GRK5: variants seen among roughly 807,000 people sequenced by gnomAD.
GRK5 encodes the protein G protein-coupled receptor kinase 5.
A neutral mutation model predicts 78.4 loss-of-function variants in GRK5; 40 were observed. The observed-to-expected ratio is 0.51, with a 90% CI of 0.40 to 0.66. The LOEUF is 0.66. Ranked by LOEUF, GRK5 falls within the 30% of genes least tolerant of loss-of-function variation. The probability of loss-of-function intolerance (pLI) is 0.00; values close to 1 mark genes in which losing one functional copy is unlikely to be tolerated. For synonymous variants in GRK5, 289 were observed against 296.8 expected (o/e 0.97, Z 0.27); for missense variants, 598 against 759.9 (o/e 0.79, Z 2.50).
chr10:119,346,579 G>C (rs1025826071), intron 2 of GRK5, among the ~76,000 whole-genome samples: 1 of 152,214 alleles, frequency 6.6e-6, no homozygotes, highest in Non-Finnish European at 1.5e-5. Context: ...CGGCTGCTCT[G>C]GGAGTGGCCT....
intron 1 of GRK5, among the ~76,000 whole-genome samples, chr10:119,278,859 G>T (rs76247793): frequency 6.6e-6 from 1 of 152,026 alleles, no homozygotes; most frequent in Admixed American, 6.6e-5. Context: ...CCTGCACCCC[G>T]GTGTCTTTCT....
At chr10:119,422,289 T>G (rs939943503) in intron 4 of GRK5, among the ~76,000 whole-genome samples, 7 of 152,148 alleles carry the variant, frequency 4.6e-5, no homozygotes, top group African/African-American at 1.4e-4. Context: ...CTCTGAAATG[T>G]CCTTTCAAAT....
chr10:119,344,066 CT>C (rs951734235), intron 2 of GRK5, among the ~76,000 whole-genome samples: 1 of 151,362 alleles, frequency 6.6e-6, no homozygotes, highest in African/African-American at 2.4e-5. Context: ...GCAGGTTTTT[CT>C]TTTTTCTTTT....
At chr10:119,316,504 C>T (rs1850489173) in intron 1 of GRK5, among the ~76,000 whole-genome samples, 1 of 152,204 alleles carries the variant, frequency 6.6e-6, no homozygotes, top group Non-Finnish European at 1.5e-5. Flanking sequence ...GGGTGGGGGT[C>T]CCCAGGCCAC....
chr10:119,313,783 G>T (rs1292440363), intron 1 of GRK5, among the ~76,000 whole-genome samples: 1 of 152,118 alleles, frequency 6.6e-6, no homozygotes, highest in Non-Finnish European at 1.5e-5. Flanking sequence ...GCTGGGAGGG[G>T]CCCTGTCCCC....
intron 2 of GRK5, among the ~76,000 whole-genome samples, chr10:119,348,137 G>A (rs915534479): frequency 1.3e-5 from 2 of 152,226 alleles, no homozygotes; most frequent in Non-Finnish European, 2.9e-5. Context: ...GGCTTAATGA[G>A]GAGTCCAGGG....
chr10:119,425,223 T>C, intron 6 of GRK5, 138 bp downstream of exon 6: 2 of 639,190 alleles, frequency 3.1e-6, no homozygotes, highest in Non-Finnish European at 5.7e-6. Flanking sequence ...GTTAATTAAG[T>C]TGTGTATTCT....
Position 119,379,766 on chromosome 10 carries a change from G to A in GRK5, c.149-1049G>A, listed in dbSNP as rs1230895978. ...GAGAGAACTTCTTGGAGAGGCTTTA[G>A]CATCACTGCAGGAAGAACCAAAAGG... On this transcript the variant is annotated intron_variant, in intron 2 of 15. Transcript: ENST00000392870. This position sits in a 1 kb window ranked among gnomAD's most constrained non-coding sequence, Gnocchi z 4.1. Among the ~76,000 whole-genome samples the A allele has an allele frequency of 6.6e-6, 1 of 152,158 alleles. No individual in the cohort carries two copies. Among genetic ancestry groups the A allele is most frequent in the Non-Finnish European group, 1.5e-5 (1 of 68,032 alleles).
intron 2 of GRK5, among the ~76,000 whole-genome samples, chr10:119,340,835 C>CA (rs1272156079): frequency 2.0e-5 from 3 of 152,202 alleles, no homozygotes. Flanking sequence ...GTGTTTCTGG[C>CA]AGAGAGTGCT....
intron 1 of GRK5, among the ~76,000 whole-genome samples, chr10:119,294,749 G>A (rs1850048575): frequency 6.6e-6 from 1 of 152,188 alleles, no homozygotes; most frequent in Non-Finnish European, 1.5e-5. Flanking sequence ...TACAAATAAA[G>A]TTCTTTAGTT....
intron 2 of GRK5, among the ~76,000 whole-genome samples, chr10:119,361,588 G>A (rs1397153786): frequency 3.3e-5 from 5 of 152,174 alleles, no homozygotes; most frequent in South Asian, 2.1e-4. Context: ...TGTGCTGCAC[G>A]CCACTGAGGA....
intron 1 of GRK5, among the ~76,000 whole-genome samples, chr10:119,280,307 C>T (rs546923833): frequency 1.1e-3 from 168 of 152,354 alleles, no homozygotes; most frequent in African/African-American, 3.8e-3. Flanking sequence ...GTAACACACA[C>T]GGAATCAATT....
chr10:119,380,859 C>A lies in GRK5; in HGVS notation c.193C>A (p.Leu65Met). 6.2e-7 allele frequency: 1 copy of A among 1,613,460 alleles called. No individual in the cohort carries two copies. Among genetic ancestry groups the A allele is most frequent in the African/African-American group, 1.3e-5 (1 of 75,044 alleles). ...SLCDKQPIGR[L>M]LFRQFCETRP... ...ATGTGACAAGCAGCCAATCGGGAGG[C>A]TGCTTTTCCGGCAGTTTTGTGAAAC... Residue 65 changes from leucine to methionine, a missense_variant, in exon 3 of 16, where the codon CTG becomes ATG. Transcript: ENST00000392870.
At chr10:119,297,100 C>T (rs1850094522) in intron 1 of GRK5, among the ~76,000 whole-genome samples, 1 of 152,252 alleles carries the variant, frequency 6.6e-6, no homozygotes, top group Non-Finnish European at 1.5e-5. Context: ...GGGCTCCCTC[C>T]TTCGGGACAC....
intron 1 of GRK5, among the ~76,000 whole-genome samples, chr10:119,224,535 G>A (rs1169083388): frequency 1.3e-5 from 2 of 151,966 alleles, no homozygotes; most frequent in Non-Finnish European, 1.5e-5. Context: ...TCAGCGCCCC[G>A]AGTAGCTGGG....
At chr10:119,284,896 A>C (rs977019122) in intron 1 of GRK5, among the ~76,000 whole-genome samples, 7 of 152,236 alleles carry the variant, frequency 4.6e-5, no homozygotes, top group Admixed American at 3.9e-4. Flanking sequence ...AGGGCTCTGC[A>C]GAGCACAGGC....
intron 1 of GRK5, among the ~76,000 whole-genome samples, chr10:119,222,174 A>T (rs1243457228): frequency 6.6e-6 from 1 of 152,192 alleles, no homozygotes; most frequent in South Asian, 2.1e-4. Flanking sequence ...TTCCAAGATC[A>T]CATACCAAGG....
chr10:119,261,319 C>A (rs1478568226), intron 1 of GRK5, among the ~76,000 whole-genome samples: 1 of 147,268 alleles, frequency 6.8e-6, no homozygotes, highest in African/African-American at 2.5e-5. Context: ...GGCAGAGACG[C>A]TCCTCACTTC....
intron 4 of GRK5, among the ~76,000 whole-genome samples, chr10:119,408,642 T>C (rs1205275758): frequency 6.6e-6 from 1 of 151,964 alleles, no homozygotes; most frequent in African/African-American, 2.4e-5. Flanking sequence ...GTATCTAGAA[T>C]AGACAAATCC....
Sources: allele counts gnomAD v4.1 joint callset (sites outside exome capture counted in the v4.1 genomes callset), GRCh38; gene constraint gnomAD v4.1.1; non-coding constraint Gnocchi (gnomAD v3.1); transcripts MANE v1.5; gene names NCBI Gene and HGNC (gene_info 2026-07-23, HGNC 2026-07-21).